CELF2: variants seen among roughly 807,000 people sequenced by gnomAD.
CELF2 encodes the protein CUG triplet repeat RNA-binding protein 2.
Under a neutral mutation model 62.6 loss-of-function variants are expected in CELF2, and 8 were observed. The ratio of observed to expected loss-of-function variants is 0.13; its 90% CI spans 0.07 to 0.23. CELF2 has a LOEUF of 0.23. Ranked by LOEUF, CELF2 falls within the 10% of genes least tolerant of loss-of-function variation. The pLI is 1.00. For missense variants in CELF2, 333 were observed against 671.0 expected, an observed-to-expected ratio of 0.50 and a Z score of 5.56; for synonymous variants, 258 against 250.0, an observed-to-expected ratio of 1.03 and a Z score of -0.30.
At chr10:11,299,701 C>G (rs773729118) in intron 9 of CELF2, among the ~76,000 whole-genome samples, 1 of 152,088 alleles carries the variant, frequency 6.6e-6, no homozygotes, top group African/African-American at 2.4e-5. Flanking sequence ...GAAATGACAG[C>G]GCCACCGCAC....
intron 2 of CELF2, among the ~76,000 whole-genome samples, chr10:10,969,990 G>A (rs560314293): frequency 6.6e-6 from 1 of 152,304 alleles, no homozygotes; most frequent in African/African-American, 2.4e-5. Context: ...AAGCCATGGA[G>A]GGGGGCGGCT....
In CELF2 at chr10:11,275,134, C is replaced by T. The variant is rs757358199; in HGVS notation, c.841+14C>T. Reference sequence around the variant, plus strand: ...AACAAATGGCAGGTAAGTCAGGAAGCACGCCTCTCCTTTTGACCGTGCTAT... The same window carrying T: ...AACAAATGGCAGGTAAGTCAGGAAGTACGCCTCTCCTTTTGACCGTGCTAT... On this transcript the variant is annotated intron_variant, in intron 8 of 12. Transcript: ENST00000633077. 2 of 1,613,752 alleles carry T rather than the reference C, an allele frequency of 1.2e-6. No homozygotes were observed. Among genetic ancestry groups the T allele is most frequent in the African/African-American group, 1.3e-5 (1 of 74,926 alleles).
intron 1 of CELF2, among the ~76,000 whole-genome samples, chr10:10,842,485 T>G (rs558483658): frequency 6.6e-6 from 1 of 151,800 alleles, no homozygotes; most frequent in Non-Finnish European, 1.5e-5. Context: ...TTTTTGAGAG[T>G]TTTTTTTCTT....
the CELF2 span, among the ~76,000 whole-genome samples, chr10:10,783,203 T>C: frequency 6.6e-6 from 1 of 152,198 alleles, no homozygotes. Context: ...ATTCACAGTA[T>C]CTGTGACTGT....
chr10:10,879,775 T>C (rs1303991151), intron 1 of CELF2, among the ~76,000 whole-genome samples: 1 of 152,174 alleles, frequency 6.6e-6, no homozygotes, highest in Non-Finnish European at 1.5e-5. Flanking sequence ...TCTTAATCCT[T>C]CTCTTCCTTG....
chr10:11,325,536 T>G (rs982306958), intron 11 of CELF2, among the ~76,000 whole-genome samples: 5 of 152,242 alleles, frequency 3.3e-5, no homozygotes, highest in Non-Finnish European at 7.3e-5. Context: ...TTCTGCCCAC[T>G]GTCACCTTCA....
chr10:10,493,301 C>T, the CELF2 span, among the ~76,000 whole-genome samples: 4 of 151,938 alleles, frequency 2.6e-5, no homozygotes, highest in East Asian at 1.9e-4. Context: ...TGGCTATGGG[C>T]GAATAGGTGC....
In CELF2 at chr10:11,333,372, T is replaced by A. The variant is rs1482377994; in HGVS notation, c.*4319T>A. 1 of 152,658 alleles carries A rather than the reference T, an allele frequency of 6.6e-6. No homozygotes were observed. Among genetic ancestry groups the A allele is most frequent in the African/African-American group, 2.4e-5 (1 of 41,452 alleles). 9.5% of individuals were successfully genotyped at this position (152,658 alleles called of 1,614,324 possible). On this transcript the variant is annotated 3_prime_UTR_variant, in exon 13 of 13. Coordinates refer to ENST00000633077, the MANE Select transcript of CELF2 (RefSeq NM_001326342.2). The stretch of plus-strand genomic sequence containing the variant: ...ACACACACAGGGAAACCGCTTTTTT[T>A]AATCAATTGTAGAGAATAGTCATTT...
chr10:10,711,641 G>A, the CELF2 span, among the ~76,000 whole-genome samples: 1 of 152,160 alleles, frequency 6.6e-6, no homozygotes, highest in Non-Finnish European at 1.5e-5. Flanking sequence ...TAGCATTTTG[G>A]GAGGCTGAGG....
chr10:11,011,971 G>A lies in CELF2; in HGVS notation c.53+6531G>A, dbSNP rs930956471. Among the ~76,000 whole-genome samples, 1 of 152,222 alleles carries A rather than the reference G, an allele frequency of 6.6e-6. No homozygotes were observed. The highest frequency in any genetic ancestry group is 1.5e-5 in the Non-Finnish European group (1 of 68,032). On this transcript the variant is annotated intron_variant, in intron 1 of 12. Coordinates refer to the CELF2 transcript ENST00000416382. The surrounding 1 kb of genome is among the most constrained non-coding windows in gnomAD (Gnocchi z 4.6). ...TTAATAGCTTGGTTATATAACTGCT[G>A]TAGTGATAATTAGGTTAACACATTG...
At chr10:10,967,416 A>G (rs903254480) in intron 2 of CELF2, among the ~76,000 whole-genome samples, 7 of 152,208 alleles carry the variant, frequency 4.6e-5, no homozygotes, top group African/African-American at 7.2e-5. Context: ...CCTCATTTTC[A>G]CATAGAATTA....
At position 11,117,461 on chromosome 10, in the gene CELF2, A is replaced by G. The variant is rs542487422; in HGVS notation, c.75-48025A>G. 6.6e-6 allele frequency among the ~76,000 whole-genome samples: 1 copy of G among 152,308 alleles called. No individual in the cohort carries two copies. Among genetic ancestry groups the G allele is most frequent in the South Asian group, 2.1e-4 (1 of 4,822 alleles). ...GATGCTCAAGGAGGCCTTGCTGTCT[A>G]CCTGTGCTACCAGCTTTCCTGTGCT... On this transcript the variant is annotated intron_variant, in intron 1 of 12. Transcript: ENST00000633077. This position sits in a 1 kb window ranked among gnomAD's most constrained non-coding sequence, Gnocchi z 4.1.
intron 1 of CELF2, among the ~76,000 whole-genome samples, chr10:11,112,221 C>A (rs1318507620): frequency 6.6e-6 from 1 of 152,244 alleles, no homozygotes; most frequent in African/African-American, 2.4e-5. Context: ...GCTTTATAGG[C>A]TCTTGCATAT....
intron 1 of CELF2, among the ~76,000 whole-genome samples, chr10:11,064,635 G>A (rs2067608464): frequency 6.6e-6 from 1 of 152,048 alleles, no homozygotes; most frequent in Non-Finnish European, 1.5e-5. Context: ...GTATATAAAT[G>A]TCTCAATCCC....
intron 1 of CELF2, among the ~76,000 whole-genome samples, chr10:10,887,322 G>A (rs1053168280): frequency 6.6e-6 from 1 of 152,132 alleles, no homozygotes; most frequent in East Asian, 1.9e-4. Flanking sequence ...TGATTAATAG[G>A]ACTCTTTCAC....
chr10:11,042,659 A>T (rs1439137276), intron 1 of CELF2, among the ~76,000 whole-genome samples: 1 of 152,210 alleles, frequency 6.6e-6, no homozygotes, highest in Non-Finnish European at 1.5e-5. Context: ...CACCCAAAAA[A>T]GAAACCCCGT....
chr10:10,504,657 G>A, the CELF2 span, among the ~76,000 whole-genome samples: 1 of 151,976 alleles, frequency 6.6e-6, no homozygotes, highest in Admixed American at 6.6e-5. Flanking sequence ...AAATTCAAAT[G>A]ACATGAGAGT....
intron 1 of CELF2, among the ~76,000 whole-genome samples, chr10:11,123,152 C>G (rs897942617): frequency 6.6e-6 from 1 of 152,118 alleles, no homozygotes; most frequent in Non-Finnish European, 1.5e-5. Flanking sequence ...GGAGGAGGCA[C>G]TTTTTACAGC....
chr10:10,554,966 T>C, the CELF2 span, among the ~76,000 whole-genome samples: 1 of 152,074 alleles, frequency 6.6e-6, no homozygotes, highest in South Asian at 2.1e-4. Context: ...ATGTATTTGG[T>C]ACAGGAAAAG....
Sources: allele counts gnomAD v4.1 joint callset (sites outside exome capture counted in the v4.1 genomes callset), GRCh38; gene constraint gnomAD v4.1.1; non-coding constraint Gnocchi (gnomAD v3.1); transcripts MANE v1.5; gene names NCBI Gene and HGNC (gene_info 2026-07-23, HGNC 2026-07-21).